CNST: variants seen among roughly 807,000 people sequenced by gnomAD.
CNST encodes consortin, connexin sorting protein.
Under a neutral mutation model 72.4 loss-of-function variants are expected in CNST, and 39 were observed. That is an observed-to-expected ratio of 0.54 (90% confidence interval 0.42 to 0.70). The LOEUF (loss-of-function observed/expected upper bound fraction) is 0.70, where lower values mean the gene tolerates loss of function less well. CNST is among the 30% of genes least tolerant of loss of function. The probability of loss-of-function intolerance (pLI) is 0.00; values close to 1 mark genes in which losing one functional copy is unlikely to be tolerated. For synonymous variants in CNST, 332 were observed against 320.1 expected (o/e 1.04, Z -0.40); for missense variants, 871 against 868.5 (o/e 1.00, Z -0.04).
At chr1:246,656,092 A>T (rs899899928) in intron 9 of CNST, among the ~76,000 whole-genome samples, 1 of 152,250 alleles carries the variant, frequency 6.6e-6, no homozygotes, top group Non-Finnish European at 1.5e-5. Context: ...GTTAATTCTC[A>T]AATCAGTTGG....
At chr1:246,603,984 G>A (rs1662495815) in intron 2 of CNST, among the ~76,000 whole-genome samples, 1 of 152,232 alleles carries the variant, frequency 6.6e-6, no homozygotes, top group East Asian at 1.9e-4. Flanking sequence ...ACCACTTTGG[G>A]AGGCCTAGGC....
chr1:246,576,080 C>G (rs1660387680), intron 1 of CNST, among the ~76,000 whole-genome samples: 1 of 148,576 alleles, frequency 6.7e-6, no homozygotes, highest in African/African-American at 2.5e-5. Flanking sequence ...ACTAAAAATG[C>G]AAAAATTAGC....
At chr1:246,642,383 A>T (rs79617257) in intron 8 of CNST, among the ~76,000 whole-genome samples, 1 of 152,068 alleles carries the variant, frequency 6.6e-6, no homozygotes, top group African/African-American at 2.4e-5. Flanking sequence ...ACATTCATAC[A>T]TTGTTTTCTG....
At chr1:246,665,327 T>C (rs374177539) in intron 10 of CNST, among the ~76,000 whole-genome samples, 80 of 152,336 alleles carry the variant, frequency 5.3e-4, no homozygotes, top group East Asian at 2.7e-3. Flanking sequence ...AGCCAAGATT[T>C]TGCCACTGCA....
At chr1:246,658,704 A>T (rs1666897407) in intron 9 of CNST, among the ~76,000 whole-genome samples, 1 of 152,132 alleles carries the variant, frequency 6.6e-6, no homozygotes, top group Non-Finnish European at 1.5e-5. Context: ...CAGCTTAGTC[A>T]CTGAGGCCAG....
intron 10 of CNST, among the ~76,000 whole-genome samples, chr1:246,661,588 G>C (rs1037252146): frequency 2.0e-5 from 3 of 152,190 alleles, no homozygotes; most frequent in Non-Finnish European, 2.9e-5. Context: ...TCAAACTTAA[G>C]GCCCTGACTT....
chr1:246,580,163 G>A (rs1485781666), intron 1 of CNST, among the ~76,000 whole-genome samples: 1 of 152,048 alleles, frequency 6.6e-6, no homozygotes, highest in African/African-American at 2.4e-5. Context: ...AAAAAATTAA[G>A]ATGTAACATT....
chr1:246,665,157 G>A (rs1667337043), intron 10 of CNST, among the ~76,000 whole-genome samples: 2 of 152,078 alleles, frequency 1.3e-5, no homozygotes, highest in Non-Finnish European at 2.9e-5. Flanking sequence ...ATAACTTGAG[G>A]CCAGGAGTTC....
Position 246,657,992 on chromosome 1 carries a change from C to T in CNST, c.1837-2207C>T, listed in dbSNP as rs538498261. Among the ~76,000 whole-genome samples the T allele has an allele frequency of 5.3e-5, 8 of 152,186 alleles. No individual in the cohort carries two copies. In the South Asian group the frequency reaches 8.3e-4, roughly 16 times the overall value. On this transcript the variant is annotated intron_variant, in intron 9 of 10. Transcript: ENST00000366513. The stretch of plus-strand genomic sequence containing the variant: ...GGTTGTTTTTTCTAAGTAGTTAAAA[C>T]GGCACCTTGAAAATCCCTGTGGTAG...
At chr1:246,619,104 A>C (rs6689740) in intron 2 of CNST, among the ~76,000 whole-genome samples, 31 of 151,940 alleles carry the variant, frequency 2.0e-4, no homozygotes, top group Non-Finnish European at 3.7e-4. Flanking sequence ...ACCTTATCAC[A>C]GTCTATGAGA....
At chr1:246,637,277 G>A (rs1665341796) in intron 6 of CNST, among the ~76,000 whole-genome samples, 1 of 152,276 alleles carries the variant, frequency 6.6e-6, no homozygotes. Flanking sequence ...CAGCGTAGGG[G>A]CCTGTCCACT....
chr1:246,667,351 T>G lies in CNST; in HGVS notation c.*1446T>G, dbSNP rs967632300. Reference sequence around the variant, plus strand: ...TGAAAGTGTGTTACTGCGCATGCATTTGGTGATTCCAGTGCTAGATATTTA... The same window carrying G: ...TGAAAGTGTGTTACTGCGCATGCATGTGGTGATTCCAGTGCTAGATATTTA... On this transcript the variant is annotated 3_prime_UTR_variant, in exon 11 of 11. Coordinates refer to ENST00000366513, the MANE Select transcript of CNST (RefSeq NM_152609.3). 5.9e-5 allele frequency: 9 copies of G among 152,212 alleles called. No homozygotes were observed. Among genetic ancestry groups the G allele is most frequent in the African/African-American group, 2.2e-4 (9 of 41,444 alleles). 9.4% of individuals were successfully genotyped at this position (152,212 alleles called of 1,614,324 possible). A position where few individuals can be genotyped will look rare whatever the true frequency, so the allele number is the denominator to read the frequency against.
chr1:246,640,003 A>G (rs923652666), intron 6 of CNST, among the ~76,000 whole-genome samples: 4 of 152,160 alleles, frequency 2.6e-5, no homozygotes, highest in Non-Finnish European at 4.4e-5. Flanking sequence ...GCTGATGTGC[A>G]CTTGTCGCAC....
At chr1:246,582,759 A>G (rs1660882229) in intron 1 of CNST, among the ~76,000 whole-genome samples, 1 of 151,952 alleles carries the variant, frequency 6.6e-6, no homozygotes, top group African/African-American at 2.4e-5. Flanking sequence ...GGTCCTGTTT[A>G]TTTCTTCTCT....
chr1:246,598,048 G>T (rs868356140), intron 2 of CNST, among the ~76,000 whole-genome samples: 1 of 152,026 alleles, frequency 6.6e-6, no homozygotes, highest in Non-Finnish European at 1.5e-5. Flanking sequence ...TGGCGTGCTC[G>T]TGGCTCAAAA....
At chr1:246,639,265 C>T (rs756301621) in intron 6 of CNST, among the ~76,000 whole-genome samples, 35 of 152,034 alleles carry the variant, frequency 2.3e-4, no homozygotes, top group African/African-American at 3.9e-4. Context: ...CTGGACCAGA[C>T]GGAAAGGGTG....
At chr1:246,610,072 G>A (rs967940920) in intron 2 of CNST, among the ~76,000 whole-genome samples, 1 of 152,042 alleles carries the variant, frequency 6.6e-6, no homozygotes, top group Non-Finnish European at 1.5e-5. Context: ...CATGAGGTCA[G>A]GAGTTCAAGA....
chr1:246,648,091 A>G (rs1666230221), intron 9 of CNST, 54 bp downstream of exon 9: 7 of 1,530,692 alleles, frequency 4.6e-6, no homozygotes, highest in East Asian at 2.3e-5. Flanking sequence ...AAAAACATAT[A>G]TATGTATTAA....
chr1:246,642,887 C>T (rs749067822), intron 8 of CNST, among the ~76,000 whole-genome samples: 22 of 16,776 alleles, frequency 1.3e-3, no homozygotes, highest in Non-Finnish European at 2.1e-3. Flanking sequence ...AGCCTTTTGC[C>T]TTTTTTCCCC....
Sources: allele counts gnomAD v4.1 joint callset (sites outside exome capture counted in the v4.1 genomes callset), GRCh38; gene constraint gnomAD v4.1.1; transcripts MANE v1.5; gene names NCBI Gene and HGNC (gene_info 2026-07-23, HGNC 2026-07-21).